NR2C2: variants seen among roughly 807,000 people sequenced by gnomAD.
NR2C2 encodes the protein Nuclear hormone receptor TR4.
A neutral mutation model predicts 62.9 loss-of-function variants in NR2C2; 6 were observed. The ratio of observed to expected loss-of-function variants is 0.10; its 90% CI spans 0.05 to 0.19. The LOEUF (loss-of-function observed/expected upper bound fraction) is 0.19. Among genes scored for constraint, NR2C2 ranks in the 10% least tolerant of loss-of-function variants. The pLI is 1.00. For synonymous variants in NR2C2, 272 were observed against 273.8 expected (o/e 0.99, Z 0.07); for missense variants, 479 against 762.7 (o/e 0.63, Z 4.38).
chr3:15,029,723 G>A (rs2041915309), intron 8 of NR2C2, among the ~76,000 whole-genome samples: 1 of 152,092 alleles, frequency 6.6e-6, no homozygotes, highest in African/African-American at 2.4e-5. Flanking sequence ...GAGAAGCTGA[G>A]ACAAGAGGAT....
In NR2C2 at chr3:15,022,514, C is replaced by T. The variant is rs1054437236; in HGVS notation, c.557-686C>T. On this transcript the variant is annotated intron_variant, in intron 5 of 13. Transcript: ENST00000425241. ...CCGCCTCCCAGGTTCAAGCAATTCT[C>T]CCTGCCTCAGCCTCCCAAGTAGCTG... is the stretch of plus-strand genomic sequence containing the variant. Among the ~76,000 whole-genome samples, 11 of 150,168 alleles carry T rather than the reference C, an allele frequency of 7.3e-5. 4 individuals are homozygous for T. The highest frequency in any genetic ancestry group is 1.5e-5 in the Non-Finnish European group (1 of 67,652).
intron 1 of NR2C2, among the ~76,000 whole-genome samples, chr3:14,996,729 C>T (rs1418552999): frequency 6.6e-6 from 1 of 152,310 alleles, no homozygotes; most frequent in African/African-American, 2.4e-5. Context: ...CACCGCCATG[C>T]CCAGCTAATT....
chr3:15,018,979 C>T (rs1344084766), intron 4 of NR2C2, among the ~76,000 whole-genome samples: 1 of 138,806 alleles, frequency 7.2e-6, no homozygotes, highest in Non-Finnish European at 1.5e-5. Context: ...CGCACCACTG[C>T]ACTCCAGCCT....
chr3:14,991,745 T>C (rs1174394613), intron 1 of NR2C2, among the ~76,000 whole-genome samples: 1 of 150,812 alleles, frequency 6.6e-6, no homozygotes, highest in Non-Finnish European at 1.5e-5. Flanking sequence ...TTAATCCCTT[T>C]TTTCTTTTTT....
At chr3:15,036,316 C>T (rs1649041994) in intron 11 of NR2C2, among the ~76,000 whole-genome samples, 1 of 152,064 alleles carries the variant, frequency 6.6e-6, no homozygotes, top group Non-Finnish European at 1.5e-5. Context: ...AGATCTGTGG[C>T]AACTATCTAG....
intron 12 of NR2C2, 21 bp from the exon 13 acceptor site, chr3:15,039,101 G>T (rs367641133): frequency 1.1e-5 from 17 of 1,571,820 alleles, no homozygotes; most frequent in East Asian, 4.5e-5. Context: ...GAACTGGGGG[G>T]GGGTACTTTT....
At chr3:14,987,290 C>T (rs2040538672) in intron 1 of NR2C2, among the ~76,000 whole-genome samples, 2 of 152,032 alleles carry the variant, frequency 1.3e-5, no homozygotes, top group African/African-American at 4.8e-5. Flanking sequence ...TCTGTGTTAC[C>T]CAGGATGGTC....
At chr3:15,030,225 C>T in intron 8 of NR2C2, 50 bp from the exon 9 acceptor site, 1 of 1,476,702 alleles carries the variant, frequency 6.8e-7, no homozygotes, top group South Asian at 1.2e-5. Context: ...TTCTGTTCCC[C>T]CTAAAAGCTG....
chr3:15,039,107 C>T lies in NR2C2; in HGVS notation c.1511-15C>T, dbSNP rs778915436. 2 of 1,587,678 alleles carry T rather than the reference C, an allele frequency of 1.3e-6. No individual in the cohort carries two copies. The highest frequency in any genetic ancestry group is 2.3e-5 in the East Asian group (1 of 44,348). On this transcript the variant is annotated splice_polypyrimidine_tract_variant and intron_variant, in intron 12 of 13. Coordinates refer to ENST00000425241, the MANE Select transcript of NR2C2 (RefSeq NM_001291694.2). ...ATACAGAGGGAACTGGGGGGGGGTA[C>T]TTTTCTGTTTTCAGATCATCCAGGT...
chr3:14,980,182 ACT>A (rs2040324549), intron 1 of NR2C2, among the ~76,000 whole-genome samples: 2 of 151,716 alleles, frequency 1.3e-5, no homozygotes, highest in Admixed American at 1.3e-4. Context: ...ACAGGGTCTC[ACT>A]CTGTCACCTA....
intron 4 of NR2C2, among the ~76,000 whole-genome samples, chr3:15,019,043 T>G (rs1351814333): frequency 2.0e-5 from 3 of 146,776 alleles, no homozygotes; most frequent in Non-Finnish European, 4.5e-5. Context: ...AAAAAAAGAT[T>G]TTATTTTTAT....
intron 1 of NR2C2, among the ~76,000 whole-genome samples, chr3:14,967,288 T>G (rs188150834): frequency 5.6e-4 from 86 of 152,222 alleles, no homozygotes; most frequent in Middle Eastern, 6.8e-3. Context: ...AACTTGATTT[T>G]TTTTCAACAA....
chr3:15,038,884 G>C (rs2042176335), intron 12 of NR2C2: 1 of 472,124 alleles, frequency 2.1e-6, no homozygotes, highest in East Asian at 3.2e-5. Context: ...CCAATCATGT[G>C]GGGCTGTTCA....
rs755030252 is a variant in NR2C2, at chr3:15,034,802, C to G, written c.1365C>G (p.Ile455Met). Residue 455 changes from isoleucine (I) to methionine (M), a missense_variant, in exon 11 of 14, where the codon ATC (isoleucine) becomes ATG (methionine). Physicochemically the swap from Ile to Met is conservative, Grantham distance 10 (BLOSUM62 1). Transcript: ENST00000425241. Reference protein sequence around the residue: ...AAIVNHLQNSIQEDKLSGDRI... With the variant: ...AAIVNHLQNSMQEDKLSGDRI... ...TTGTCAACCACCTGCAGAACAGCAT[C>G]CAGGAAGGTAGGGCACAGGGACTTG... 6.2e-7 allele frequency: 1 copy of G among 1,612,228 alleles called. No individual in the cohort carries two copies. Among genetic ancestry groups the G allele is most frequent in the Non-Finnish European group, 8.5e-7 (1 of 1,179,034 alleles).
rs869094168 is a variant in NR2C2 at position 14,991,749 on chromosome 3, C to CT, written c.-39-12115dup. On this transcript the variant is annotated intron_variant, in intron 1 of 13. Transcript: ENST00000425241. ...TTTTCTCTTTTTTAATCCCTTTTTT[C>CT]TTTTTTTTTTTTCTTTTTCTTTTTT... 5.8e-3 allele frequency among the ~76,000 whole-genome samples: 771 copies of CT among 132,128 alleles called. 3 individuals are homozygous for CT. The highest frequency in any genetic ancestry group is 0.016 in the Middle Eastern group (4 of 248). 86.7% of individuals were successfully genotyped at this position (132,128 alleles called of 152,430 possible).
intron 1 of NR2C2, among the ~76,000 whole-genome samples, chr3:14,983,596 A>C (rs991867183): frequency 1.3e-5 from 2 of 152,174 alleles, no homozygotes; most frequent in Non-Finnish European, 1.5e-5. Flanking sequence ...TCATAAAATG[A>C]GTTGGGAGAA....
intron 1 of NR2C2, among the ~76,000 whole-genome samples, chr3:14,989,375 T>C (rs2040600900): frequency 6.6e-6 from 1 of 152,176 alleles, no homozygotes; most frequent in African/African-American, 2.4e-5. Flanking sequence ...GCCCGGTGCG[T>C]GTTGGGTGGA....
chr3:14,999,495 C>A (rs547036518), intron 1 of NR2C2, among the ~76,000 whole-genome samples: 3 of 151,410 alleles, frequency 2.0e-5, no homozygotes, highest in African/African-American at 7.3e-5. Flanking sequence ...CTTGTCCCCC[C>A]CAAAAAAAAA....
chr3:15,028,885 ACATAGACC>A (rs2041894008), intron 8 of NR2C2, among the ~76,000 whole-genome samples, 166 bp downstream of exon 8: 1 of 152,218 alleles, frequency 6.6e-6, no homozygotes, highest in African/African-American at 2.4e-5. Flanking sequence ...AACTGTGGGA[ACATAGACC>A]CACCTATGTT....
Sources: gnomAD v4.1 joint callset for allele counts (sites outside exome capture counted in the v4.1 genomes callset) on GRCh38, gnomAD v4.1.1 for gene constraint, MANE v1.5 for transcripts, NCBI Gene and HGNC (gene_info 2026-07-23, HGNC 2026-07-21) for gene names.